Variants in ALDH7A1 observed in about 807,000 individuals in gnomAD.
The protein encoded by ALDH7A1 is aldehyde dehydrogenase 7 family member A1, also known as alpha-aminoadipic semialdehyde dehydrogenase.
A neutral mutation model predicts 79.9 loss-of-function variants in ALDH7A1; 63 were observed. That is an observed-to-expected ratio of 0.79 (90% CI 0.64 to 0.97). ALDH7A1 has a LOEUF of 0.97. Among genes scored for constraint, ALDH7A1 ranks in the 50% least tolerant of loss-of-function variants. The probability of loss-of-function intolerance (pLI) is 0.00; values close to 1 mark genes in which losing one functional copy is unlikely to be tolerated. For synonymous variants in ALDH7A1, 240 were observed against 231.2 expected (o/e 1.04, Z -0.34); for missense variants, 627 against 665.2 (o/e 0.94, Z 0.63).
chr5:126,558,069 G>A (rs1280892903), intron 11 of ALDH7A1, among the ~76,000 whole-genome samples: 1 of 150,176 alleles, frequency 6.7e-6, no homozygotes, highest in Non-Finnish European at 1.5e-5. Flanking sequence ...TCAGGAGGGT[G>A]AGGCAGGAGA....
In ALDH7A1 at chr5:126,559,933, C is replaced by T. The variant is rs1180393932; in HGVS notation, c.914-599G>A. Reference sequence around the variant, plus strand: ...TCTGGCCTCTTCATCTTTTATTTCTCGGGGGGTTTTTTGTTTGTTCTTTTT... The same window carrying T: ...TCTGGCCTCTTCATCTTTTATTTCTTGGGGGGTTTTTTGTTTGTTCTTTTT... On this transcript the variant is annotated intron_variant, in intron 10 of 17. Transcript: ENST00000409134. Among the ~76,000 whole-genome samples, 7 of 151,612 alleles carry T rather than the reference C, an allele frequency of 4.6e-5. No homozygotes were observed. The East Asian group carries it at 5.8e-4, about 13-fold the overall frequency.
chr5:126,546,638 CAGAA>C lies in ALDH7A1; in HGVS notation c.1490-243_1490-240del, dbSNP rs10539406. Among the ~76,000 whole-genome samples the C allele has an allele frequency of 0.013, 1,834 of 137,058 alleles. 45 individuals carry two copies. The highest frequency in any genetic ancestry group is 0.051 in the African/African-American group (1,719 of 33,884). The allele number at this position is 137,058 out of a possible 152,430, so 89.9% of individuals were successfully genotyped here. On this transcript the variant is annotated intron_variant, in intron 16 of 17. Transcript: ENST00000409134. Reference sequence around the variant, plus strand: ...ATAAGGAATTAAGAAGAAATGGAAACAGAAAGAAACGGTAAAAAAAAAAAAAAAT... The same window carrying C: ...ATAAGGAATTAAGAAGAAATGGAAACAGAAACGGTAAAAAAAAAAAAAAAT...
chr5:126,549,318 AT>A (rs1749910048), intron 16 of ALDH7A1, among the ~76,000 whole-genome samples: 1 of 152,158 alleles, frequency 6.6e-6, no homozygotes, highest in Admixed American at 6.5e-5. Context: ...TTTTACAAGT[AT>A]TAATGCATGT....
At chr5:126,592,224 G>C (rs1751577043) in intron 3 of ALDH7A1, 1 of 182,522 alleles carries the variant, frequency 5.5e-6, no homozygotes, top group Non-Finnish European at 1.1e-5. Flanking sequence ...GCCACCAGGT[G>C]CGATCTGCTG....
intron 3 of ALDH7A1, among the ~76,000 whole-genome samples, chr5:126,584,885 G>A (rs891926332): frequency 7.2e-5 from 11 of 152,088 alleles, no homozygotes; most frequent in Non-Finnish European, 1.6e-4. Flanking sequence ...TGGGGGTAAA[G>A]AGCACAGCTT....
Position 126,568,280 on chromosome 5 carries a change from G to GGCCCACCTGTTT in ALDH7A1, c.838_849dup (p.Lys280_Gly283dup). 1.2e-6 allele frequency: 2 copies of GGCCCACCTGTTT among 1,614,128 alleles called. No individual in the cohort carries two copies. Among genetic ancestry groups the GGCCCACCTGTTT allele is most frequent in the Non-Finnish European group, 1.7e-6 (2 of 1,180,006 alleles). On this transcript the variant is annotated inframe_insertion, in exon 9 of 18. Coordinates refer to ENST00000409134, the MANE Select transcript of ALDH7A1 (RefSeq NM_001182.5). ...TTACCAAACCTCTCCTGCACCATCAGGCCCACCTGTTTTCCCACCTGAGTG... is the reference window on the plus strand; with the variant it reads ...TTACCAAACCTCTCCTGCACCATCAGGCCCACCTGTTTGCCCACCTGTTTTCCCACCTGAGTG...
Position 126,575,948 on chromosome 5 carries a change from T to C in ALDH7A1, c.651-484A>G, listed in dbSNP as rs372549809. 2.8e-4 allele frequency among the ~76,000 whole-genome samples: 43 copies of C among 152,168 alleles called. No homozygotes were observed. The South Asian group carries it at 7.9e-3, about 28-fold the overall frequency. On this transcript the variant is annotated intron_variant, in intron 6 of 17. Transcript: ENST00000409134. ...ACCAAACCATGTCGGTCAGAAAATATCAATGCCCTGCAGGCTAAAGAATTG... is the reference window on the plus strand; with the variant it reads ...ACCAAACCATGTCGGTCAGAAAATACCAATGCCCTGCAGGCTAAAGAATTG...
chr5:126,580,429 G>T (rs1751134843), intron 5 of ALDH7A1, among the ~76,000 whole-genome samples: 2 of 151,960 alleles, frequency 1.3e-5, no homozygotes, highest in South Asian at 4.1e-4. Flanking sequence ...AAAAACTCTT[G>T]AAAGTGTTCA....
chr5:126,549,471 T>C (rs1481129959), intron 16 of ALDH7A1: 1 of 164,066 alleles, frequency 6.1e-6, no homozygotes. Context: ...ATTAATAATG[T>C]ATGGCTTATT....
Position 126,583,668 on chromosome 5 carries a change from G to C in ALDH7A1, c.393+264C>G, listed in dbSNP as rs13188450. The stretch of plus-strand genomic sequence containing the variant: ...CCTGGCCAACATGATGAAACCCCAT[G>C]TCTACTTTAAAAATACAAAAAATTA... On this transcript the variant is annotated intron_variant, in intron 4 of 17. Coordinates refer to ENST00000409134, the MANE Select transcript of ALDH7A1 (RefSeq NM_001182.5). Among the ~76,000 whole-genome samples the C allele has an allele frequency of 0.14, 21,445 of 150,886 alleles. 1,938 individuals carry two copies. The highest frequency in any genetic ancestry group is 0.25 in the African/African-American group (10,409 of 41,144).
At chr5:126,586,838 C>A (rs1342308305) in intron 3 of ALDH7A1, 1 of 152,392 alleles carries the variant, frequency 6.6e-6, no homozygotes, top group East Asian at 1.9e-4. Flanking sequence ...GTATTCCCAG[C>A]ACTTTGGGAG....
intron 17 of ALDH7A1, 70 bp downstream of exon 17, chr5:126,546,254 G>T: frequency 2.2e-6 from 3 of 1,345,584 alleles, no homozygotes; most frequent in Non-Finnish European, 2.1e-6. Context: ...AGCACAGACA[G>T]TAGGAAAGTG....
intron 7 of ALDH7A1, among the ~76,000 whole-genome samples, chr5:126,574,017 C>T (rs927418486): frequency 1.9e-5 from 2 of 106,658 alleles, no homozygotes; most frequent in Non-Finnish European, 3.5e-5. Context: ...GCAACAAAGA[C>T]TGTCTCAAAA....
chr5:126,576,445 G>A (rs1232781400), intron 6 of ALDH7A1, among the ~76,000 whole-genome samples: 1 of 152,106 alleles, frequency 6.6e-6, no homozygotes, highest in African/African-American at 2.4e-5. Flanking sequence ...AGCAAAATGA[G>A]CTAAAGACAA....
chr5:126,580,493 G>A (rs1683013043), intron 5 of ALDH7A1, among the ~76,000 whole-genome samples: 1 of 151,904 alleles, frequency 6.6e-6, no homozygotes, highest in South Asian at 2.1e-4. Flanking sequence ...ATCTAATTAA[G>A]GACATTAAGT....
chr5:126,542,893 G>C lies in ALDH7A1; in HGVS notation c.*2072C>G, dbSNP rs553257829. The C allele has an allele frequency of 3.3e-5, 5 of 152,298 alleles. No homozygotes were observed. The highest frequency in any genetic ancestry group is 2.1e-4 in the South Asian group (1 of 4,826). The allele number at this position is 152,298 out of a possible 1,614,324, so 9.4% of individuals were successfully genotyped here. ...GGGAGTCACAAGAGCCTGGCTGCTA[G>C]GCTCAGCGAATGGATGCTCTCTCCA... On this transcript the variant is annotated 3_prime_UTR_variant, in exon 18 of 18. Transcript: ENST00000409134.
chr5:126,582,768 A>G, intron 5 of ALDH7A1, 83 bp downstream of exon 5: 9 of 1,523,932 alleles, frequency 5.9e-6, no homozygotes, highest in Non-Finnish European at 8.1e-6. Flanking sequence ...TCTTTTGCAC[A>G]GTCAATAGCC....
At chr5:126,585,961 AAAAG>A (rs1751347524) in intron 3 of ALDH7A1, among the ~76,000 whole-genome samples, 3 of 152,236 alleles carry the variant, frequency 2.0e-5, no homozygotes, top group Non-Finnish European at 4.4e-5. Flanking sequence ...AGTAAAGAAA[AAAAG>A]AAACCAACTG....
chr5:126,578,256 T>G (rs935874957), intron 5 of ALDH7A1, among the ~76,000 whole-genome samples: 15 of 151,832 alleles, frequency 9.9e-5, no homozygotes, highest in African/African-American at 3.6e-4. Flanking sequence ...GCCATTACAC[T>G]CCAGCCTGGG....
Sources: gnomAD v4.1 joint callset for allele counts (sites outside exome capture counted in the v4.1 genomes callset) on GRCh38, gnomAD v4.1.1 for gene constraint, MANE v1.5 for transcripts, NCBI Gene and HGNC (gene_info 2026-07-23, HGNC 2026-07-21) for gene names.